IMMP1L: variants seen among roughly 807,000 people sequenced by gnomAD.
IMMP1L encodes inner mitochondrial membrane peptidase subunit 1, also known as mitochondrial inner membrane protease subunit 1.
IMMP1L carries 24 observed loss-of-function variants against 21.8 expected under a neutral mutation model. The observed-to-expected ratio is 1.10, with a 90% CI of 0.80 to 1.55. IMMP1L has a LOEUF of 1.55. Among genes scored for constraint, IMMP1L ranks in the 40% most tolerant of loss-of-function variants. The pLI is 0.00. For missense variants in IMMP1L, 195 were observed against 200.7 expected (o/e 0.97, Z 0.17); for synonymous variants, 46 against 62.8 (o/e 0.73, Z 1.26).
intron 4 of IMMP1L, chr11:31,448,939 G>A (rs763397190): frequency 1.9e-5 from 19 of 985,116 alleles, no homozygotes; most frequent in East Asian, 1.1e-4. Flanking sequence ...AAAAAGTCAC[G>A]TCACCTCCGC....
chr11:31,456,188 T>C (rs1409075710), intron 4 of IMMP1L, 72 bp downstream of exon 4: 1 of 1,070,098 alleles, frequency 9.3e-7, no homozygotes. Context: ...AAACATTATT[T>C]TCTTTTGTCA....
At chr11:31,464,926 CG>C (rs2133679161) in intron 1 of IMMP1L, among the ~76,000 whole-genome samples, 1 of 151,998 alleles carries the variant, frequency 6.6e-6, no homozygotes, top group African/African-American at 2.4e-5. Context: ...AACATAGTAA[CG>C]GAAGTCACAG....
At chr11:31,476,774 G>C (rs901918617) in intron 1 of IMMP1L, among the ~76,000 whole-genome samples, 5 of 151,980 alleles carry the variant, frequency 3.3e-5, no homozygotes, top group Non-Finnish European at 1.5e-5. Flanking sequence ...GGTGACTGAT[G>C]GGATAATTTC....
chr11:31,466,025 A>G (rs1357216162), intron 1 of IMMP1L, among the ~76,000 whole-genome samples: 1 of 152,146 alleles, frequency 6.6e-6, no homozygotes, highest in Non-Finnish European at 1.5e-5. Flanking sequence ...TGCATCTGAC[A>G]TGGACTAATA....
chr11:31,461,358 A>C (rs1156650969), intron 2 of IMMP1L, among the ~76,000 whole-genome samples: 2 of 152,186 alleles, frequency 1.3e-5, no homozygotes, highest in African/African-American at 4.8e-5. Flanking sequence ...TGGAAGAATG[A>C]CTTGAGGCCA....
At chr11:31,500,032 G>A (rs1955568397) in intron 1 of IMMP1L, among the ~76,000 whole-genome samples, 1 of 152,102 alleles carries the variant, frequency 6.6e-6, no homozygotes, top group African/African-American at 2.4e-5. Context: ...AGGTTGGAGA[G>A]CTAGGTTAGG....
rs1052425486 is a variant in IMMP1L at position 31,438,708 on chromosome 11, G to C, written c.322-5138C>G. ...TGAAGTATTTGTTGCATCTGTTTTT[G>C]TTTCCTTTTTTCCTCCTCTCTATTG... On this transcript the variant is annotated intron_variant, in intron 4 of 5. Coordinates refer to ENST00000532287, the MANE Select transcript of IMMP1L (RefSeq NM_001304274.2). Among the ~76,000 whole-genome samples, 6 of 151,932 alleles carry C rather than the reference G, an allele frequency of 3.9e-5. No individual in the cohort carries two copies. The South Asian group carries it at 1.2e-3, about 32-fold the overall frequency.
At chr11:31,451,640 G>T (rs1439107436) in intron 4 of IMMP1L, among the ~76,000 whole-genome samples, 2 of 152,126 alleles carry the variant, frequency 1.3e-5, no homozygotes, top group Non-Finnish European at 2.9e-5. Context: ...GATACAGTAA[G>T]TTTGAGATGA....
At chr11:31,433,718 T>G (rs1953006303) in intron 4 of IMMP1L, 148 bp from the exon 5 acceptor site, 1 of 459,752 alleles carries the variant, frequency 2.2e-6, no homozygotes, top group African/African-American at 2.0e-5. Flanking sequence ...CATTTTTGCT[T>G]TTATTTCTTG....
rs542114914 is a variant in IMMP1L, at chr11:31,507,026, T to C, written c.-30+2493A>G. On this transcript the variant is annotated intron_variant, in intron 1 of 5. Transcript: ENST00000532287. Reference sequence around the variant, plus strand: ...CTGACGCGCTGGCTCACACCTGTAATTCCAGCACTTTGGGAGGCCGAGGTG... The same window carrying C: ...CTGACGCGCTGGCTCACACCTGTAACTCCAGCACTTTGGGAGGCCGAGGTG... 7.9e-5 allele frequency among the ~76,000 whole-genome samples: 12 copies of C among 152,084 alleles called. No homozygotes were observed. In the South Asian group the frequency reaches 2.5e-3, roughly 32 times the overall value.
chr11:31,506,357 C>T (rs1223107), intron 1 of IMMP1L, among the ~76,000 whole-genome samples: 54,201 of 150,592 alleles, frequency 0.36, 11,944 homozygotes, highest in African/African-American at 0.62. Context: ...GCCTCCTGAG[C>T]AGCTGGGACC....
intron 4 of IMMP1L, among the ~76,000 whole-genome samples, chr11:31,435,506 G>A (rs991589713): frequency 1.3e-5 from 2 of 152,016 alleles, no homozygotes; most frequent in Admixed American, 6.5e-5. Context: ...GGTTTTTGCC[G>A]CAAAATACAT....
Position 31,480,025 on chromosome 11 carries a change from A to G in IMMP1L, c.-29-16720T>C, listed in dbSNP as rs183040973. Among the ~76,000 whole-genome samples the G allele has an allele frequency of 3.8e-3, 576 of 152,156 alleles. 5 individuals are homozygous for G. The highest frequency in any genetic ancestry group is 0.013 in the African/African-American group (550 of 41,562). On this transcript the variant is annotated intron_variant, in intron 1 of 5. Coordinates refer to ENST00000532287, the MANE Select transcript of IMMP1L (RefSeq NM_001304274.2). ...AAAAGAATGATGTGATGTAGTTACAAAATGCTTTAGTCCAGTAAATACAGG... is the reference window on the plus strand; with the variant it reads ...AAAAGAATGATGTGATGTAGTTACAGAATGCTTTAGTCCAGTAAATACAGG...
intron 1 of IMMP1L, among the ~76,000 whole-genome samples, chr11:31,472,877 T>TA (rs1223952511): frequency 6.6e-6 from 1 of 152,162 alleles, no homozygotes. Context: ...TTTATTTATT[T>TA]TTTTTTGAGA....
At chr11:31,460,767 C>T (rs1002280520) in intron 2 of IMMP1L, 53 bp from the exon 3 acceptor site, 55 of 1,187,726 alleles carry the variant, frequency 4.6e-5, no homozygotes, top group Admixed American at 2.1e-4. Flanking sequence ...TTAAATTTAA[C>T]ATAAATCTTT....
intron 1 of IMMP1L, among the ~76,000 whole-genome samples, chr11:31,485,742 A>T (rs1186660349): frequency 6.6e-6 from 1 of 151,932 alleles, no homozygotes; most frequent in Non-Finnish European, 1.5e-5. Context: ...AAAACACATC[A>T]CAGTAGCTCT....
intron 1 of IMMP1L, among the ~76,000 whole-genome samples, chr11:31,486,648 A>G (rs1368809447): frequency 6.6e-6 from 1 of 152,002 alleles, no homozygotes; most frequent in Non-Finnish European, 1.5e-5. Context: ...CAGCAATGTC[A>G]TCAAATACTA....
At chr11:31,442,862 G>A (rs985641200) in intron 4 of IMMP1L, among the ~76,000 whole-genome samples, 1 of 151,872 alleles carries the variant, frequency 6.6e-6, no homozygotes, top group African/African-American at 2.4e-5. Context: ...AAAAACAAAC[G>A]ACTGATAGAG....
At chr11:31,459,699 G>C (rs1161148428) in intron 3 of IMMP1L, among the ~76,000 whole-genome samples, 5 of 151,984 alleles carry the variant, frequency 3.3e-5, no homozygotes, top group Non-Finnish European at 5.9e-5. Context: ...CATCTCCCAG[G>C]TTCAAGCAAT....
Sources: allele counts gnomAD v4.1 joint callset (sites outside exome capture counted in the v4.1 genomes callset), GRCh38; gene constraint gnomAD v4.1.1; transcripts MANE v1.5; gene names NCBI Gene and HGNC (gene_info 2026-07-23, HGNC 2026-07-21).